Variants in LUZP2 observed in about 807,000 individuals in gnomAD.
The protein encoded by LUZP2 is leucine zipper protein 2.
LUZP2 carries 52 observed loss-of-function variants against 51.6 expected under a neutral mutation model. The observed-to-expected ratio is 1.01, with a 90% CI of 0.81 to 1.27. The LOEUF is 1.27. Among genes scored for constraint, LUZP2 ranks in the 50% most tolerant of loss-of-function variants. LUZP2 has a pLI of 0.00. For missense variants in LUZP2, 436 were observed against 395.4 expected (o/e 1.10, Z -0.87); for synonymous variants, 154 against 137.3 (o/e 1.12, Z -0.85).
intron 5 of LUZP2, among the ~76,000 whole-genome samples, chr11:24,858,933 CA>C (rs1420467934): frequency 6.6e-6 from 1 of 152,130 alleles, no homozygotes; most frequent in Non-Finnish European, 1.5e-5. Context: ...CACATTTAAT[CA>C]ATCATAACAG....
intron 1 of LUZP2, among the ~76,000 whole-genome samples, chr11:24,677,177 C>A (rs73435000): frequency 6.6e-6 from 1 of 152,140 alleles, no homozygotes; most frequent in East Asian, 1.9e-4. Context: ...AGCTGCCTGG[C>A]ACTATTGTAA....
rs36155478 is a variant in LUZP2, at chr11:24,926,327, G to GTA, written c.522+11800_522+11801dup. The stretch of plus-strand genomic sequence containing the variant: ...TACGTGTGTATATATATACGTGTGT[G>GTA]TATATATATATACGTGTGTATATAT... On this transcript the variant is annotated intron_variant, in intron 7 of 11. Transcript: ENST00000336930. 2.0e-3 allele frequency among the ~76,000 whole-genome samples: 70 copies of GTA among 35,550 alleles called. 2 individuals are homozygous for GTA. The highest frequency in any genetic ancestry group is 6.1e-3 in the African/African-American group (61 of 9,942). The allele number at this position is 35,550 out of a possible 152,430, so 23.3% of individuals were successfully genotyped here. A position where few individuals can be genotyped will look rare whatever the true frequency, so the allele number is the denominator to read the frequency against.
intron 1 of LUZP2, among the ~76,000 whole-genome samples, chr11:24,536,156 T>A (rs546429410): frequency 6.6e-6 from 1 of 151,924 alleles, no homozygotes; most frequent in South Asian, 2.1e-4. Context: ...TTTATTTTTG[T>A]ATTTTTAACA....
intron 9 of LUZP2, among the ~76,000 whole-genome samples, chr11:24,998,007 G>C (rs1856559579): frequency 6.6e-6 from 1 of 152,306 alleles, no homozygotes; most frequent in South Asian, 2.1e-4. Flanking sequence ...GTACCATCCT[G>C]TTTGGGTTAC....
chr11:24,689,288 C>T (rs1856994987), intron 1 of LUZP2, among the ~76,000 whole-genome samples: 1 of 152,160 alleles, frequency 6.6e-6, no homozygotes, highest in Admixed American at 6.5e-5. Context: ...GGCCTCCAAG[C>T]ATTTGGAAGG....
intron 5 of LUZP2, among the ~76,000 whole-genome samples, chr11:24,905,684 C>T (rs2133787200): frequency 6.6e-6 from 1 of 152,204 alleles, no homozygotes; most frequent in East Asian, 1.9e-4. Context: ...AACACCCACG[C>T]ACAAAATTAA....
intron 5 of LUZP2, among the ~76,000 whole-genome samples, chr11:24,774,532 A>ATTC (rs1369056856): frequency 1.3e-3 from 112 of 83,022 alleles, no homozygotes; most frequent in African/African-American, 3.3e-3. Context: ...TGTAGAATAT[A>ATTC]TATAAAGAAT....
rs1352871430 is a variant in LUZP2, at chr11:24,765,835, C to G, written c.396+2527C>G. On this transcript the variant is annotated intron_variant, in intron 5 of 11. Transcript: ENST00000336930. ...TGAAGACAGGGTTTCACTGTGTTAG[C>G]CAGGATGGTCTCCATCTCCTGACCT... Among the ~76,000 whole-genome samples the G allele has an allele frequency of 1.3e-5, 2 of 152,022 alleles. 1 individual carries two copies. The highest frequency in any genetic ancestry group is 4.2e-4 in the South Asian group (2 of 4,818).
At chr11:24,938,493 A>G (rs1014019360) in intron 7 of LUZP2, among the ~76,000 whole-genome samples, 9 of 152,192 alleles carry the variant, frequency 5.9e-5, no homozygotes, top group Non-Finnish European at 1.3e-4. Context: ...ATCTTGGGCA[A>G]ATTTGATATG....
chr11:24,547,574 A>C (rs547235012), intron 1 of LUZP2, among the ~76,000 whole-genome samples: 2 of 152,264 alleles, frequency 1.3e-5, no homozygotes, highest in Non-Finnish European at 2.9e-5. Context: ...AAATCTACTT[A>C]AGGTGAGTTA....
chr11:24,842,383 A>C (rs1304230569), intron 5 of LUZP2, among the ~76,000 whole-genome samples: 7 of 151,800 alleles, frequency 4.6e-5, no homozygotes, highest in Non-Finnish European at 7.4e-5. Context: ...TTTGAGATTT[A>C]TGAAGCAAAA....
At chr11:24,729,025 A>G (rs923137349) in intron 1 of LUZP2, 144 bp from the exon 2 acceptor site, 2 of 461,128 alleles carry the variant, frequency 4.3e-6, no homozygotes, top group Admixed American at 3.5e-5. Context: ...TTCCCCTTTT[A>G]TATGAAATCA....
intron 1 of LUZP2, among the ~76,000 whole-genome samples, chr11:24,600,191 A>G (rs993812887): frequency 1.8e-4 from 26 of 142,984 alleles, no homozygotes; most frequent in African/African-American, 6.8e-4. Context: ...ACACACACAC[A>G]CACACACACA....
At chr11:24,890,246 G>C (rs964481335) in intron 5 of LUZP2, among the ~76,000 whole-genome samples, 11 of 152,132 alleles carry the variant, frequency 7.2e-5, no homozygotes, top group African/African-American at 2.7e-4. Flanking sequence ...TGTTAATACA[G>C]AGGTGATAAC....
At position 24,845,224 on chromosome 11, in the gene LUZP2, G is replaced by A. The variant is rs557022808; in HGVS notation, c.397-60767G>A. 1.2e-4 allele frequency among the ~76,000 whole-genome samples: 18 copies of A among 152,330 alleles called. No individual in the cohort carries two copies. In the East Asian group the frequency reaches 1.9e-3, roughly 16 times the overall value. ...ATGGGAACCCATCCCTTGCATCAGC[G>A]TGATCTGGATATGAGACATGAAGTC... On this transcript the variant is annotated intron_variant, in intron 5 of 11. Transcript: ENST00000336930.
intron 1 of LUZP2, among the ~76,000 whole-genome samples, chr11:24,655,395 T>C (rs1026686924): frequency 8.5e-5 from 13 of 152,182 alleles, no homozygotes; most frequent in African/African-American, 2.9e-4. Flanking sequence ...TCTTTTTTTT[T>C]TAATAACTAG....
intron 1 of LUZP2, among the ~76,000 whole-genome samples, chr11:24,514,922 A>C (rs915190017): frequency 1.3e-5 from 2 of 152,184 alleles, no homozygotes; most frequent in East Asian, 1.9e-4. Flanking sequence ...GACTTTTTAC[A>C]TGACTTTAGG....
At chr11:24,943,707 G>A (rs1590757949) in intron 7 of LUZP2, among the ~76,000 whole-genome samples, 1 of 151,664 alleles carries the variant, frequency 6.6e-6, no homozygotes, top group South Asian at 2.1e-4. Context: ...GTGAAACCTC[G>A]TCTCTGCTAA....
At chr11:25,017,044 A>G (rs1196601460) in intron 9 of LUZP2, among the ~76,000 whole-genome samples, 2 of 151,916 alleles carry the variant, frequency 1.3e-5, no homozygotes, top group Non-Finnish European at 2.9e-5. Context: ...GGATTTTTGC[A>G]TATGTTTGTT....
Sources: gnomAD v4.1 joint callset for allele counts (sites outside exome capture counted in the v4.1 genomes callset) on GRCh38, gnomAD v4.1.1 for gene constraint, MANE v1.5 for transcripts, NCBI Gene and HGNC (gene_info 2026-07-23, HGNC 2026-07-21) for gene names.